The following LIPI variants were observed in gnomAD, a reference collection of about 807,000 sequenced individuals.
LIPI encodes lipase member I.
A neutral mutation model predicts 50.6 loss-of-function variants in LIPI; 59 were observed. The ratio of observed to expected loss-of-function variants is 1.16; its 90% CI spans 0.94 to 1.45. The LOEUF (loss-of-function observed/expected upper bound fraction) is 1.45, where lower values mean the gene tolerates loss of function less well. Among genes scored for constraint, LIPI ranks in the 40% most tolerant of loss-of-function variants. The pLI is 0.00. For missense variants in LIPI, 586 were observed against 536.3 expected, an observed-to-expected ratio of 1.09 and a Z score of -0.92; for synonymous variants, 203 against 178.2, an observed-to-expected ratio of 1.14 and a Z score of -1.11.
chr21:14,143,709 T>G (rs1295719409), intron 9 of LIPI: 1 of 152,194 alleles, frequency 6.6e-6, no homozygotes, highest in Non-Finnish European at 1.5e-5. Flanking sequence ...GATTGACAGA[T>G]GACCAACTTA....
chr21:14,121,438 G>A (rs74719747), intron 9 of LIPI, among the ~76,000 whole-genome samples: 4,135 of 152,242 alleles, frequency 0.027, 178 homozygotes, highest in African/African-American at 0.091. Context: ...ATAGTGTACA[G>A]CCGACCAACT....
At chr21:14,152,830 C>A in intron 7 of LIPI, 146 bp from the exon 8 acceptor site, 1 of 526,818 alleles carries the variant, frequency 1.9e-6, no homozygotes, top group Non-Finnish European at 3.4e-6. Context: ...ATTGAGAGGA[C>A]TCATTTGGTA....
chr21:14,150,869 G>T (rs1232170310), intron 8 of LIPI, among the ~76,000 whole-genome samples: 1 of 152,144 alleles, frequency 6.6e-6, no homozygotes, highest in Admixed American at 6.5e-5. Context: ...GTGACGGAAG[G>T]TTAGTTTAAA....
intron 9 of LIPI, among the ~76,000 whole-genome samples, chr21:14,127,142 TCA>T (rs1221386903): frequency 5.9e-5 from 9 of 152,176 alleles, no homozygotes; most frequent in Non-Finnish European, 1.5e-5. Flanking sequence ...GTTGTCTCTA[TCA>T]CAGTCTGTTA....
intron 1 of LIPI, among the ~76,000 whole-genome samples, chr21:14,207,364 G>T (rs2020253603): frequency 6.6e-6 from 1 of 152,026 alleles, no homozygotes; most frequent in South Asian, 2.1e-4. Context: ...TAATTACTTT[G>T]ATATGATCAC....
At chr21:14,139,113 G>A (rs73162690) in intron 9 of LIPI, among the ~76,000 whole-genome samples, 25,070 of 151,972 alleles carry the variant, frequency 0.16, 2,260 homozygotes, top group South Asian at 0.23. Flanking sequence ...TCTAGAAGAG[G>A]ATAGGGCCAG....
intron 7 of LIPI, among the ~76,000 whole-genome samples, chr21:14,161,334 A>G (rs758309109): frequency 2.1e-5 from 3 of 145,616 alleles, no homozygotes; most frequent in Non-Finnish European, 3.0e-5. Context: ...TATGTAATAT[A>G]TAGTTATATA....
At chr21:14,172,750 A>G (rs1485138370) in intron 4 of LIPI, among the ~76,000 whole-genome samples, 1 of 152,012 alleles carries the variant, frequency 6.6e-6, no homozygotes, top group Admixed American at 6.5e-5. Flanking sequence ...TAGCACTAGG[A>G]GATATACCTA....
In LIPI at chr21:14,160,884, A is replaced by G. The variant is rs559486239; in HGVS notation, c.1006+2535T>C. Reference sequence around the variant, plus strand: ...ATAAGTAGAAGAAATAGTCAATATAATCATCCATCAGGGCAATGAATACTA... The same window carrying G: ...ATAAGTAGAAGAAATAGTCAATATAGTCATCCATCAGGGCAATGAATACTA... On this transcript the variant is annotated intron_variant, in intron 7 of 9. Transcript: ENST00000681601. 9.4e-4 allele frequency among the ~76,000 whole-genome samples: 142 copies of G among 151,584 alleles called. 1 individual carries two copies. In the Middle Eastern group the frequency reaches 0.01, roughly 11 times the overall value.
intron 7 of LIPI, among the ~76,000 whole-genome samples, chr21:14,161,410 A>G (rs535784216): frequency 1.4e-5 from 2 of 142,340 alleles, no homozygotes; most frequent in South Asian, 4.2e-4. Context: ...ATATATGTAT[A>G]TTATATATAC....
chr21:14,116,709 T>G (rs1427710151), intron 9 of LIPI, among the ~76,000 whole-genome samples: 2 of 152,112 alleles, frequency 1.3e-5, no homozygotes, highest in African/African-American at 4.8e-5. Context: ...CCCTGATCAG[T>G]TCCCATACAT....
intron 9 of LIPI, among the ~76,000 whole-genome samples, chr21:14,132,731 G>A (rs1043070303): frequency 6.6e-6 from 1 of 151,586 alleles, no homozygotes; most frequent in Non-Finnish European, 1.5e-5. Flanking sequence ...TCTTCAAAAA[G>A]ATAAATAAAA....
At chr21:14,156,291 C>A (rs905382906) in intron 7 of LIPI, among the ~76,000 whole-genome samples, 2 of 151,570 alleles carry the variant, frequency 1.3e-5, no homozygotes, top group Non-Finnish European at 2.9e-5. Flanking sequence ...AATGTAATCA[C>A]AAGGGGCCTT....
At position 14,129,021 on chromosome 21, in the gene LIPI, T is replaced by C. The variant is rs529524367; in HGVS notation, c.1295+15602A>G. ...AAGAATCTAGGAGTATTTATATAGTTAGAGAAGGAGACATAGTTTCACAGA... is the reference window on the plus strand; with the variant it reads ...AAGAATCTAGGAGTATTTATATAGTCAGAGAAGGAGACATAGTTTCACAGA... On this transcript the variant is annotated intron_variant, in intron 9 of 9. Transcript: ENST00000681601. Among the ~76,000 whole-genome samples, 14 of 152,208 alleles carry C rather than the reference T, an allele frequency of 9.2e-5. No homozygotes were observed. In the East Asian group the frequency reaches 2.7e-3, roughly 29 times the overall value.
chr21:14,161,673 A>G (rs1259012884), intron 7 of LIPI, among the ~76,000 whole-genome samples: 4 of 107,206 alleles, frequency 3.7e-5, no homozygotes, highest in Admixed American at 1.3e-4. Flanking sequence ...TATAATATAT[A>G]CATTATTATA....
intron 1 of LIPI, among the ~76,000 whole-genome samples, chr21:14,195,777 G>A (rs1039141905): frequency 6.6e-6 from 1 of 152,064 alleles, no homozygotes; most frequent in Non-Finnish European, 1.5e-5. Flanking sequence ...AAAATTCAAT[G>A]TTTCAATCGG....
At chr21:14,200,975 A>G (rs2020032175) in intron 1 of LIPI, among the ~76,000 whole-genome samples, 1 of 152,136 alleles carries the variant, frequency 6.6e-6, no homozygotes, top group Non-Finnish European at 1.5e-5. Context: ...ACCTACAACT[A>G]GCTGATCTTC....
chr21:14,183,968 A>G (rs1434101135), intron 3 of LIPI, among the ~76,000 whole-genome samples: 1 of 152,182 alleles, frequency 6.6e-6, no homozygotes, highest in East Asian at 1.9e-4. Context: ...CAGCAATCCC[A>G]TTACTGGGTA....
rs75723352 is a variant in LIPI, at chr21:14,187,758, A to T, written c.432+1276T>A. ...GGTGTAAAAATAATAATGAAAGTTGATCTTAATGATTACTAAATGTCACCC... is the reference window on the plus strand; with the variant it reads ...GGTGTAAAAATAATAATGAAAGTTGTTCTTAATGATTACTAAATGTCACCC... On this transcript the variant is annotated intron_variant, in intron 2 of 9. Coordinates refer to ENST00000681601, the MANE Select transcript of LIPI (RefSeq NM_001302998.2). Among the ~76,000 whole-genome samples the T allele has an allele frequency of 8.3e-3, 1,195 of 144,532 alleles. 19 individuals carry two copies. The highest frequency in any genetic ancestry group is 0.027 in the African/African-American group (1,087 of 40,888). 94.8% of individuals were successfully genotyped at this position (144,532 alleles called of 152,430 possible).
Sources: allele counts gnomAD v4.1 joint callset (sites outside exome capture counted in the v4.1 genomes callset), GRCh38; gene constraint gnomAD v4.1.1; transcripts MANE v1.5; gene names NCBI Gene and HGNC (gene_info 2026-07-23, HGNC 2026-07-21).